The following TFCP2L1 variants were observed in gnomAD, a reference collection of about 807,000 sequenced individuals.
TFCP2L1 encodes transcription factor CP2 like 1.
A neutral mutation model predicts 72.2 loss-of-function variants in TFCP2L1; 12 were observed. That is an observed-to-expected ratio of 0.17 (90% CI 0.11 to 0.27). The LOEUF is 0.27. Among genes scored for constraint, TFCP2L1 ranks in the 10% least tolerant of loss-of-function variants. TFCP2L1 has a pLI of 1.00. For synonymous variants in TFCP2L1, 260 were observed against 251.0 expected (o/e 1.04, Z -0.34); for missense variants, 488 against 624.6 (o/e 0.78, Z 2.33).
At chr2:121,259,283 CAA>C (rs112843070) in intron 2 of TFCP2L1, among the ~76,000 whole-genome samples, 5 of 123,196 alleles carry the variant, frequency 4.1e-5, no homozygotes, top group Non-Finnish European at 5.2e-5. Flanking sequence ...AACTCTGTCT[CAA>C]AAAAAAAAAA....
At chr2:121,253,455 A>G (rs1036389266) in intron 2 of TFCP2L1, among the ~76,000 whole-genome samples, 1 of 152,206 alleles carries the variant, frequency 6.6e-6, no homozygotes, top group Non-Finnish European at 1.5e-5. Flanking sequence ...ATATCAACAT[A>G]AAACATGCCT....
chr2:121,241,891 G>A (rs898180420), intron 7 of TFCP2L1, among the ~76,000 whole-genome samples: 1 of 152,054 alleles, frequency 6.6e-6, no homozygotes, highest in Non-Finnish European at 1.5e-5. Flanking sequence ...TACACTGTTG[G>A]TATATAAATG....
chr2:121,275,354 G>A (rs898318219), intron 2 of TFCP2L1, among the ~76,000 whole-genome samples: 17 of 124,726 alleles, frequency 1.4e-4, no homozygotes, highest in African/African-American at 4.1e-4. Context: ...AGCCGAGATC[G>A]CGCCACTGCA....
chr2:121,262,009 G>A (rs1236289645), intron 2 of TFCP2L1, among the ~76,000 whole-genome samples: 3 of 152,108 alleles, frequency 2.0e-5, no homozygotes, highest in African/African-American at 7.2e-5. Context: ...TCAAATTGAG[G>A]AGCATTCTAC....
chr2:121,265,922 G>GTGA (rs914328791), intron 2 of TFCP2L1, among the ~76,000 whole-genome samples: 5 of 149,768 alleles, frequency 3.3e-5, no homozygotes, highest in Non-Finnish European at 5.9e-5. Context: ...CTGAAGTGCA[G>GTGA]TGATGTAGTC....
rs745611314 is a variant in TFCP2L1 at position 121,281,184 on chromosome 2, C to T, written c.150G>A (p.Val50=). 3 of 1,613,650 alleles carry T rather than the reference C, an allele frequency of 1.9e-6. No homozygotes were observed. The African/African-American group carries it at 4.0e-5, about 22-fold the overall frequency. The stretch of plus-strand genomic sequence containing the variant: ...CGGCTGGGGACGTGGCAGCACACAA[C>T]ACATATTGCAGGGGTGGCAGGCGGG... ...NEARLPPLQY[V]LCAATSPAVK... Residue 50 remains valine, a synonymous_variant, in exon 2 of 15, where the codon GTG becomes GTA. Transcript: ENST00000263707.
At chr2:121,268,460 C>A (rs1401671647) in intron 2 of TFCP2L1, among the ~76,000 whole-genome samples, 1 of 152,062 alleles carries the variant, frequency 6.6e-6, no homozygotes, top group Non-Finnish European at 1.5e-5. Flanking sequence ...CTCAAGCGAT[C>A]CTCCTGCCTC....
At chr2:121,262,036 C>T (rs2104731527) in intron 2 of TFCP2L1, among the ~76,000 whole-genome samples, 1 of 152,314 alleles carries the variant, frequency 6.6e-6, no homozygotes, top group South Asian at 2.1e-4. Context: ...AAGCTTTTGG[C>T]CAGGCATGGT....
At chr2:121,233,558 C>G (rs1686186460) in intron 12 of TFCP2L1, among the ~76,000 whole-genome samples, 2 of 152,220 alleles carry the variant, frequency 1.3e-5, no homozygotes, top group South Asian at 4.1e-4. Context: ...TCCCCAGGTG[C>G]TGGAATTACA....
chr2:121,240,576 G>C, intron 7 of TFCP2L1: 2 of 985,444 alleles, frequency 2.0e-6, no homozygotes, highest in Non-Finnish European at 2.4e-6. Flanking sequence ...GTGCCTCCCA[G>C]GGTGGGCTTT....
At chr2:121,265,310 G>A (rs1180777548) in intron 2 of TFCP2L1, among the ~76,000 whole-genome samples, 2 of 152,152 alleles carry the variant, frequency 1.3e-5, no homozygotes, top group South Asian at 2.1e-4. Context: ...GCCTGAGGGC[G>A]GGGGAAACGA....
rs182922145 is a variant in TFCP2L1 at position 121,236,106 on chromosome 2, T to C, written c.1004-795A>G. 1.4e-4 allele frequency among the ~76,000 whole-genome samples: 21 copies of C among 152,326 alleles called. No homozygotes were observed. The East Asian group carries it at 2.9e-3, about 21-fold the overall frequency. On this transcript the variant is annotated intron_variant, in intron 10 of 14. Coordinates refer to ENST00000263707, the MANE Select transcript of TFCP2L1 (RefSeq NM_014553.3). The stretch of plus-strand genomic sequence containing the variant: ...GTAGTCAGAGTGTTCATGCCCGTTA[T>C]TACCTATCATTGTGTGACTACACCA...
At chr2:121,249,368 C>T (rs909738284) in intron 3 of TFCP2L1, among the ~76,000 whole-genome samples, 1 of 152,206 alleles carries the variant, frequency 6.6e-6, no homozygotes, top group South Asian at 2.1e-4. Context: ...AAAAGTTCAA[C>T]GCTGCCAGCC....
intron 2 of TFCP2L1, 112 bp from the exon 3 acceptor site, chr2:121,249,759 T>TG: frequency 9.2e-7 from 1 of 1,081,326 alleles, no homozygotes; most frequent in East Asian, 2.4e-5. Flanking sequence ...CTCAAGGCCC[T>TG]GGGGAGCAAA....
intron 2 of TFCP2L1, among the ~76,000 whole-genome samples, 197 bp from the exon 3 acceptor site, chr2:121,249,844 G>A (rs558353118): frequency 6.6e-6 from 1 of 152,312 alleles, no homozygotes; most frequent in East Asian, 1.9e-4. Context: ...GCCAGGTCGG[G>A]CCTAGGATAC....
chr2:121,240,657 G>A (rs1157166820), intron 7 of TFCP2L1: 1 of 985,400 alleles, frequency 1.0e-6, no homozygotes, highest in East Asian at 1.1e-4. Flanking sequence ...CTCTTCCCAG[G>A]GGCAGTCAGC....
chr2:121,231,183 A>C (rs1265707574), intron 13 of TFCP2L1, among the ~76,000 whole-genome samples: 2 of 152,196 alleles, frequency 1.3e-5, no homozygotes, highest in African/African-American at 4.8e-5. Context: ...AAACAAGTAC[A>C]CACTCCTGTT....
rs1052088683 is a variant in TFCP2L1 at position 121,246,973 on chromosome 2, G to A, written c.505-3C>T. ...AATTCTGTGCTGATGCAGTGTACCT[G>A]GGAGGAGAAACGTTGGGCAGGTGGC... On this transcript the variant is annotated splice_polypyrimidine_tract_variant and splice_region_variant and intron_variant, in intron 5 of 14. Transcript: ENST00000263707. The A allele has an allele frequency of 6.2e-7, 1 of 1,613,962 alleles. No individual in the cohort carries two copies. The highest frequency in any genetic ancestry group is 1.3e-5 in the African/African-American group (1 of 74,908).
chr2:121,224,729 T>A (rs1685988908), intron 14 of TFCP2L1, among the ~76,000 whole-genome samples: 1 of 152,110 alleles, frequency 6.6e-6, no homozygotes, highest in African/African-American at 2.4e-5. Context: ...ACGCCTGTAA[T>A]CCCAGCACTT....
Sources: allele counts gnomAD v4.1 joint callset (sites outside exome capture counted in the v4.1 genomes callset), GRCh38; gene constraint gnomAD v4.1.1; transcripts MANE v1.5; gene names NCBI Gene and HGNC (gene_info 2026-07-23, HGNC 2026-07-21).